The following ADIPOR2 variants were observed in gnomAD, a reference collection of about 807,000 sequenced individuals.
ADIPOR2 encodes the protein adiponectin receptor protein 2.
ADIPOR2 carries 18 observed loss-of-function variants against 40.9 expected under a neutral mutation model. The observed-to-expected ratio is 0.44, with a 90% CI of 0.30 to 0.65. ADIPOR2 has a LOEUF of 0.65. Ranked by LOEUF, ADIPOR2 falls within the 30% of genes least tolerant of loss-of-function variation. The pLI, the probability that ADIPOR2 is intolerant of heterozygous loss-of-function variation, is 0.09. For synonymous variants in ADIPOR2, 165 were observed against 166.4 expected, an observed-to-expected ratio of 0.99 and a Z score of 0.06; for missense variants, 283 against 479.2, an observed-to-expected ratio of 0.59 and a Z score of 3.82.
At chr12:1,724,725 C>G (rs2094704435) in intron 1 of ADIPOR2, among the ~76,000 whole-genome samples, 1 of 152,070 alleles carries the variant, frequency 6.6e-6, no homozygotes, top group South Asian at 2.1e-4. Flanking sequence ...GGGTCTCACT[C>G]TGTCGCCCAG....
intron 1 of ADIPOR2, among the ~76,000 whole-genome samples, chr12:1,719,395 C>T (rs1391982430): frequency 6.6e-6 from 1 of 152,152 alleles, no homozygotes; most frequent in Non-Finnish European, 1.5e-5. Flanking sequence ...GTTTATGGCT[C>T]ATTCAGACAT....
At chr12:1,747,744 C>G (rs1038076559) in intron 1 of ADIPOR2, among the ~76,000 whole-genome samples, 12 of 151,580 alleles carry the variant, frequency 7.9e-5, no homozygotes, top group Admixed American at 3.9e-4. Flanking sequence ...ATTATGTTAT[C>G]TCATTGTTTT....
rs1343293210 is a variant in ADIPOR2, at chr12:1,760,100, TAAAC to T, written c.171+5590_171+5593del. ...GTAGGAGATAGTTAAGGAAAACAAA[TAAAC>T]AAAACCCAAACCAGTGCCTAATTTT... On this transcript the variant is annotated intron_variant, in intron 2 of 7. Transcript: ENST00000357103. 5.4e-5 allele frequency among the ~76,000 whole-genome samples: 6 copies of T among 111,602 alleles called. No individual in the cohort carries two copies. In the East Asian group the frequency reaches 9.7e-4, roughly 18 times the overall value. 73.2% of individuals were successfully genotyped at this position (111,602 alleles called of 152,430 possible). A position where few individuals can be genotyped will look rare whatever the true frequency, so the allele number is the denominator to read the frequency against.
chr12:1,748,517 G>C (rs557170842), intron 1 of ADIPOR2, among the ~76,000 whole-genome samples: 2 of 152,008 alleles, frequency 1.3e-5, no homozygotes, highest in South Asian at 2.1e-4. Flanking sequence ...CAAAGTGCTG[G>C]GATTACAGGC....
At chr12:1,758,368 G>A (rs2154443685) in intron 2 of ADIPOR2, among the ~76,000 whole-genome samples, 1 of 152,270 alleles carries the variant, frequency 6.6e-6, no homozygotes, top group East Asian at 1.9e-4. Context: ...TCTATGAGGA[G>A]CCAAGGAAAG....
At chr12:1,734,629 G>T (rs1416516508) in intron 1 of ADIPOR2, among the ~76,000 whole-genome samples, 2 of 152,142 alleles carry the variant, frequency 1.3e-5, no homozygotes, top group African/African-American at 4.8e-5. Context: ...GATCCCATTT[G>T]TCAATTTTGG....
In ADIPOR2 at chr12:1,778,105, A is replaced by G. The variant is rs150700540; in HGVS notation, c.463+80A>G. The G allele has an allele frequency of 4.6e-5, 66 of 1,430,616 alleles. No individual in the cohort carries two copies. In the African/African-American group the frequency reaches 8.3e-4, roughly 18 times the overall value. 88.6% of individuals were successfully genotyped at this position (1,430,616 alleles called of 1,614,324 possible). On this transcript the variant is annotated intron_variant, in intron 4 of 7. Coordinates refer to ENST00000357103, the MANE Select transcript of ADIPOR2 (RefSeq NM_024551.3). Reference sequence around the variant, plus strand: ...TTCATGTATTTGAGGGTAAGCACAGAACTTCAGAAATGTATTTGGATTTGC... The same window carrying G: ...TTCATGTATTTGAGGGTAAGCACAGGACTTCAGAAATGTATTTGGATTTGC...
Position 1,786,289 on chromosome 12 carries a change from A to G in ADIPOR2, c.*217A>G. 1 of 535,794 alleles carries G rather than the reference A, an allele frequency of 1.9e-6. No individual in the cohort carries two copies. Among genetic ancestry groups the G allele is most frequent in the Non-Finnish European group, 3.1e-6 (1 of 324,386 alleles). 33.2% of individuals were successfully genotyped at this position (535,794 alleles called of 1,614,324 possible). On this transcript the variant is annotated 3_prime_UTR_variant, in exon 8 of 8. Transcript: ENST00000357103. Reference sequence around the variant, plus strand: ...GGATGGAGTGCATCAATTGGGAGAAAAGGAGACATAGCCCAAACCCTGGCT... The same window carrying G: ...GGATGGAGTGCATCAATTGGGAGAAGAGGAGACATAGCCCAAACCCTGGCT...
At chr12:1,700,752 G>C (rs1196270866) in intron 1 of ADIPOR2, among the ~76,000 whole-genome samples, 1 of 149,578 alleles carries the variant, frequency 6.7e-6, no homozygotes, top group Non-Finnish European at 1.5e-5. Flanking sequence ...ATTTAAACTG[G>C]ACATTATATA....
rs1272833087 is a variant in ADIPOR2 at position 1,754,959 on chromosome 12, CCACCT to C, written c.171+447_171+451del. 6.7e-5 allele frequency among the ~76,000 whole-genome samples: 8 copies of C among 118,644 alleles called. 1 individual carries two copies. The highest frequency in any genetic ancestry group is 2.8e-4 in the South Asian group (1 of 3,532). The allele number at this position is 118,644 out of a possible 152,430, so 77.8% of individuals were successfully genotyped here. On this transcript the variant is annotated intron_variant, in intron 2 of 7. Transcript: ENST00000357103. ...CGAACTCCTTACCTCAGGTATCCTC[CCACCT>C]CGGCCTCCCAAAGTGCTGGGATTAC...
intron 1 of ADIPOR2, among the ~76,000 whole-genome samples, chr12:1,715,577 C>T (rs1349005662): frequency 5.9e-5 from 9 of 152,118 alleles, no homozygotes; most frequent in South Asian, 2.1e-4. Context: ...TATAGAATTC[C>T]CCTCTGGAGG....
At chr12:1,710,097 G>C (rs970714543) in intron 1 of ADIPOR2, among the ~76,000 whole-genome samples, 1 of 152,218 alleles carries the variant, frequency 6.6e-6, no homozygotes, top group African/African-American at 2.4e-5. Context: ...TCAGTGCTCT[G>C]TGGCTAGCTA....
In ADIPOR2 at chr12:1,780,437, G is replaced by T; in HGVS notation, c.464-14G>T. 1 of 1,581,778 alleles carries T rather than the reference G, an allele frequency of 6.3e-7. No individual in the cohort carries two copies. Among genetic ancestry groups the T allele is most frequent in the Middle Eastern group, 1.7e-4 (1 of 5,888 alleles). The stretch of plus-strand genomic sequence containing the variant: ...GGGTGATATTTTATCTATTTTCTGT[G>T]CTCTTTTTCCTAGGTTGTGTATTCT... On this transcript the variant is annotated splice_polypyrimidine_tract_variant and intron_variant, in intron 4 of 7. Coordinates refer to ENST00000357103, the MANE Select transcript of ADIPOR2 (RefSeq NM_024551.3).
intron 1 of ADIPOR2, among the ~76,000 whole-genome samples, chr12:1,746,505 CAAAA>C (rs879935639): frequency 3.3e-5 from 5 of 151,006 alleles, no homozygotes; most frequent in Non-Finnish European, 5.9e-5. Context: ...AAACAAAAAA[CAAAA>C]AAAACCCTCT....
chr12:1,783,377 C>CTA (rs997570780), intron 6 of ADIPOR2, among the ~76,000 whole-genome samples: 1 of 151,632 alleles, frequency 6.6e-6, no homozygotes, highest in African/African-American at 2.4e-5. Context: ...CTAAGCTAAG[C>CTA]CTCTCTTAGT....
At position 1,708,723 on chromosome 12, in the gene ADIPOR2, C is replaced by CT. The variant is rs1266225378; in HGVS notation, c.-87+17546dup. ...TATTGCATTGATTTGTATACCTATACTTTTTTTTTTTTTTGAGACAGAGTC... is the reference window on the plus strand; with the variant it reads ...TATTGCATTGATTTGTATACCTATACTTTTTTTTTTTTTTTGAGACAGAGTC... On this transcript the variant is annotated intron_variant, in intron 1 of 7. Transcript: ENST00000357103. Among the ~76,000 whole-genome samples the CT allele has an allele frequency of 2.1e-3, 293 of 142,880 alleles. No individual in the cohort carries two copies. The Middle Eastern group carries it at 0.033, about 16-fold the overall frequency. 93.7% of individuals were successfully genotyped at this position (142,880 alleles called of 152,430 possible). A position where few individuals can be genotyped will look rare whatever the true frequency, so the allele number is the denominator to read the frequency against.
intron 3 of ADIPOR2, among the ~76,000 whole-genome samples, chr12:1,773,824 T>C (rs930790815): frequency 9.2e-5 from 14 of 152,216 alleles, no homozygotes; most frequent in African/African-American, 2.2e-4. Context: ...AGACTAAATA[T>C]AGGTTTTCTT....
chr12:1,732,961 A>G (rs926078076), intron 1 of ADIPOR2, among the ~76,000 whole-genome samples: 3 of 152,206 alleles, frequency 2.0e-5, no homozygotes, highest in Non-Finnish European at 4.4e-5. Flanking sequence ...GAAACAGTAA[A>G]GAGTACAATT....
chr12:1,748,568 A>G (rs532966601), intron 1 of ADIPOR2, among the ~76,000 whole-genome samples: 120 of 151,974 alleles, frequency 7.9e-4, no homozygotes, highest in Admixed American at 4.6e-3. Flanking sequence ...ATTTAAGTCT[A>G]TGATCCATTT....
Sources: gnomAD v4.1 joint callset for allele counts (sites outside exome capture counted in the v4.1 genomes callset) on GRCh38, gnomAD v4.1.1 for gene constraint, MANE v1.5 for transcripts, NCBI Gene and HGNC (gene_info 2026-07-23, HGNC 2026-07-21) for gene names.